ERC2: variants seen among roughly 807,000 people sequenced by gnomAD.
ERC2 encodes ELKS/RAB6-interacting/CAST family member 2, also known as ERC protein 2.
ERC2 carries 42 observed loss-of-function variants against 114.8 expected under a neutral mutation model. That is an observed-to-expected ratio of 0.37 (90% CI 0.29 to 0.47). The LOEUF (loss-of-function observed/expected upper bound fraction) is 0.47, where lower values mean the gene tolerates loss of function less well. Ranked by LOEUF, ERC2 falls within the 20% of genes least tolerant of loss-of-function variation. The probability of loss-of-function intolerance (pLI) is 0.99; values close to 1 mark genes in which losing one functional copy is unlikely to be tolerated. For synonymous variants in ERC2, 454 were observed against 425.5 expected, an observed-to-expected ratio of 1.07 and a Z score of -0.82; for missense variants, 939 against 1,150.7, an observed-to-expected ratio of 0.82 and a Z score of 2.66.
At chr3:55,764,769 C>T (rs2067663164) in intron 14 of ERC2, among the ~76,000 whole-genome samples, 1 of 152,202 alleles carries the variant, frequency 6.6e-6, no homozygotes, top group African/African-American at 2.4e-5. Flanking sequence ...CCAACTGACA[C>T]TCAAGGAAAT....
chr3:56,178,752 T>G (rs1220800776), intron 3 of ERC2, among the ~76,000 whole-genome samples: 2 of 152,172 alleles, frequency 1.3e-5, no homozygotes, highest in African/African-American at 4.8e-5. Context: ...TTGTTTGTTT[T>G]TTTTTAAATT....
At chr3:56,230,978 T>C (rs1341105855) in intron 3 of ERC2, among the ~76,000 whole-genome samples, 5 of 152,228 alleles carry the variant, frequency 3.3e-5, no homozygotes, top group South Asian at 4.1e-4. Flanking sequence ...CAAAGTATCA[T>C]GACATGGTGT....
At chr3:56,324,390 C>T (rs778988331) in intron 2 of ERC2, among the ~76,000 whole-genome samples, 56 of 152,116 alleles carry the variant, frequency 3.7e-4, no homozygotes, top group Admixed American at 9.8e-4. Context: ...ATAAACCCAT[C>T]GTAAGTTGAA....
In ERC2 at chr3:55,533,762, C is replaced by T. The variant is rs768875197; in HGVS notation, c.*40-22486G>A. ...GGGAGTCTCAGACCCGCTCCTTGCT[C>T]TCCTGACTCTCACATGCCCGCACTT... is the stretch of plus-strand genomic sequence containing the variant. On this transcript the variant is annotated intron_variant, in intron 17 of 17. Coordinates refer to ENST00000288221, the MANE Select transcript of ERC2 (RefSeq NM_015576.3). 7.9e-5 allele frequency among the ~76,000 whole-genome samples: 12 copies of T among 152,342 alleles called. No homozygotes were observed. In the East Asian group the frequency reaches 2.1e-3, roughly 27 times the overall value.
At chr3:56,041,293 A>T (rs1010002915) in intron 7 of ERC2, among the ~76,000 whole-genome samples, 5 of 152,082 alleles carry the variant, frequency 3.3e-5, no homozygotes, top group Admixed American at 6.5e-5. Context: ...TGACCAAAGG[A>T]GTGGAAGAGT....
chr3:55,943,921 T>G (rs1360088281), intron 13 of ERC2, among the ~76,000 whole-genome samples: 2 of 152,136 alleles, frequency 1.3e-5, no homozygotes, highest in African/African-American at 4.8e-5. Context: ...TAGCATTTCT[T>G]TTAGGAAAGG....
intron 14 of ERC2, among the ~76,000 whole-genome samples, chr3:55,795,564 T>C (rs1314511718): frequency 6.6e-6 from 1 of 152,178 alleles, no homozygotes; most frequent in Non-Finnish European, 1.5e-5. Flanking sequence ...ACATAGTGCT[T>C]CTGTAACTCC....
intron 7 of ERC2, among the ~76,000 whole-genome samples, chr3:56,032,216 A>G (rs536701640): frequency 2.0e-5 from 3 of 152,298 alleles, no homozygotes; most frequent in Admixed American, 1.3e-4. Flanking sequence ...AGCCAAATAA[A>G]TGTTCTTTCC....
In ERC2 at chr3:56,044,342, A is replaced by AT. The variant is rs991533684; in HGVS notation, c.1642-25312dup. On this transcript the variant is annotated intron_variant, in intron 7 of 17. Transcript: ENST00000288221. ...TTGACTGTGTTCTTGGGGTTTTAGG[A>AT]TTTTTTTTTCAAGAATTATTTATGT... 3.3e-3 allele frequency among the ~76,000 whole-genome samples: 503 copies of AT among 151,136 alleles called. 2 individuals are homozygous for AT. The highest frequency in any genetic ancestry group is 0.011 in the African/African-American group (472 of 41,240).
chr3:56,022,413 A>C (rs62255373), intron 7 of ERC2, among the ~76,000 whole-genome samples: 47,918 of 151,996 alleles, frequency 0.32, 8,286 homozygotes, highest in African/African-American at 0.43. Flanking sequence ...CAGAATGGTT[A>C]TTTAAGTGAC....
chr3:55,912,263 A>G (rs2064852730), intron 13 of ERC2, among the ~76,000 whole-genome samples: 2 of 152,198 alleles, frequency 1.3e-5, no homozygotes, highest in South Asian at 2.1e-4. Flanking sequence ...TTTCAGCCCT[A>G]CAATGATACT....
intron 2 of ERC2, among the ~76,000 whole-genome samples, chr3:56,409,202 A>G (rs1480673892): frequency 1.3e-5 from 2 of 152,200 alleles, no homozygotes; most frequent in Non-Finnish European, 2.9e-5. Flanking sequence ...CTCAGAGTGT[A>G]TGCGTGTATG....
chr3:55,721,492 G>A (rs1382652991), intron 15 of ERC2, among the ~76,000 whole-genome samples: 1 of 152,224 alleles, frequency 6.6e-6, no homozygotes, highest in Admixed American at 6.5e-5. Context: ...AATAATCTCA[G>A]ACAATCAAAA....
chr3:56,444,887 G>A (rs1010701441), intron 1 of ERC2, among the ~76,000 whole-genome samples: 3 of 151,992 alleles, frequency 2.0e-5, no homozygotes, highest in African/African-American at 7.3e-5. Context: ...AAAATTCTGT[G>A]TCACAGACTA....
At chr3:55,512,636 T>C (rs1028847837) in intron 17 of ERC2, among the ~76,000 whole-genome samples, 3 of 151,114 alleles carry the variant, frequency 2.0e-5, no homozygotes, top group African/African-American at 7.4e-5. Flanking sequence ...GAAAAATAAT[T>C]ACAGTGAATG....
intron 2 of ERC2, among the ~76,000 whole-genome samples, chr3:56,306,506 TACA>T (rs1465073766): frequency 6.6e-6 from 1 of 152,144 alleles, no homozygotes; most frequent in Admixed American, 6.5e-5. Flanking sequence ...AGAGAATATA[TACA>T]ACATCATCTC....
intron 4 of ERC2, among the ~76,000 whole-genome samples, chr3:56,164,002 C>T (rs1379675692): frequency 6.6e-6 from 1 of 152,008 alleles, no homozygotes; most frequent in East Asian, 1.9e-4. Context: ...CAGCAGGTAT[C>T]ATTCTTTTGT....
intron 17 of ERC2, among the ~76,000 whole-genome samples, chr3:55,534,447 A>C (rs1316070357): frequency 6.6e-6 from 1 of 151,356 alleles, no homozygotes; most frequent in East Asian, 2.0e-4. Context: ...TAATCCCAGC[A>C]CTTTAGGAGG....
At chr3:56,105,494 T>C (rs2078604473) in intron 6 of ERC2, among the ~76,000 whole-genome samples, 1 of 152,062 alleles carries the variant, frequency 6.6e-6, no homozygotes, top group African/African-American at 2.4e-5. Context: ...GTTTCTATTT[T>C]TTTAAGAGAT....
Sources: gnomAD v4.1 joint callset for allele counts (sites outside exome capture counted in the v4.1 genomes callset) on GRCh38, gnomAD v4.1.1 for gene constraint, MANE v1.5 for transcripts, NCBI Gene and HGNC (gene_info 2026-07-23, HGNC 2026-07-21) for gene names.